Variants in KIAA1958 observed in about 807,000 individuals in gnomAD.
KIAA1958 encodes KIAA1958, also known as uncharacterized protein KIAA1958.
Under a neutral mutation model 47.2 loss-of-function variants are expected in KIAA1958, and 14 were observed. That is an observed-to-expected ratio of 0.30 (90% CI 0.20 to 0.46). The LOEUF is 0.46. Among genes scored for constraint, KIAA1958 ranks in the 20% least tolerant of loss-of-function variants. KIAA1958 has a pLI of 1.00. For synonymous variants in KIAA1958, 354 were observed against 353.3 expected (o/e 1.00, Z -0.02); for missense variants, 803 against 909.2 (o/e 0.88, Z 1.50).
chr9:112,558,179 C>G (rs569168791), intron 1 of KIAA1958, among the ~76,000 whole-genome samples: 36 of 151,696 alleles, frequency 2.4e-4, no homozygotes, highest in African/African-American at 8.7e-4. Context: ...GAACCGAGAT[C>G]GCGCCACTGC....
At chr9:112,516,472 G>A (rs1158876854) in intron 1 of KIAA1958, among the ~76,000 whole-genome samples, 1 of 152,102 alleles carries the variant, frequency 6.6e-6, no homozygotes. Context: ...TAAATAAGTC[G>A]AGATATACTG....
chr9:112,497,088 T>G (rs1054414191), intron 1 of KIAA1958, among the ~76,000 whole-genome samples: 9 of 152,230 alleles, frequency 5.9e-5, no homozygotes, highest in Admixed American at 5.9e-4. Context: ...TTGTAAGATA[T>G]AATACAGAGA....
At chr9:112,643,091 G>T (rs1235321916) in intron 2 of KIAA1958, among the ~76,000 whole-genome samples, 4 of 152,188 alleles carry the variant, frequency 2.6e-5, no homozygotes, top group South Asian at 2.1e-4. Flanking sequence ...CTTATTGAAG[G>T]TTCATCTGAG....
rs1477447513 is a variant in KIAA1958, at chr9:112,487,069, C to A, written c.-74C>A. 7 of 221,950 alleles carry A rather than the reference C, an allele frequency of 3.2e-5. No homozygotes were observed. The Admixed American group carries it at 3.9e-4, about 12-fold the overall frequency. The allele number at this position is 221,950 out of a possible 1,614,324, so 13.7% of individuals were successfully genotyped here. A position where few individuals can be genotyped will look rare whatever the true frequency, so the allele number is the denominator to read the frequency against. ...GCCCGGGCTGCCCGGCTCTCGCAGG[C>A]CCCCCCGCGCCGACCGCGTTCCTAT... is the stretch of plus-strand genomic sequence containing the variant. On this transcript the variant is annotated 5_prime_UTR_variant, in exon 1 of 4. Transcript: ENST00000337530.
chr9:112,498,365 A>C (rs1042865213), intron 1 of KIAA1958, among the ~76,000 whole-genome samples: 3 of 152,158 alleles, frequency 2.0e-5, no homozygotes, highest in Non-Finnish European at 4.4e-5. Context: ...GATATGGAGA[A>C]ATTTTCAAGA....
intron 2 of KIAA1958, among the ~76,000 whole-genome samples, chr9:112,577,903 AT>A (rs1275338437): frequency 9.9e-5 from 15 of 152,168 alleles, no homozygotes; most frequent in Non-Finnish European, 1.9e-4. Flanking sequence ...AGAGCACAGA[AT>A]ATATACTGTC....
intron 1 of KIAA1958, 60 bp from the exon 2 acceptor site, chr9:112,573,997 A>C: frequency 1.1e-6 from 1 of 877,896 alleles, no homozygotes; most frequent in Non-Finnish European, 1.8e-6. Flanking sequence ...AACTGAAGTA[A>C]TTGAGCTATA....
At chr9:112,600,859 C>G (rs570687909) in intron 2 of KIAA1958, among the ~76,000 whole-genome samples, 1 of 152,280 alleles carries the variant, frequency 6.6e-6, no homozygotes, top group East Asian at 1.9e-4. Flanking sequence ...ACTTATATGT[C>G]CAACACTGAG....
intron 1 of KIAA1958, among the ~76,000 whole-genome samples, chr9:112,500,031 AG>A (rs1834108174): frequency 1.3e-5 from 2 of 152,060 alleles, no homozygotes; most frequent in South Asian, 4.1e-4. Flanking sequence ...TACTGGGTTA[AG>A]GTATAAAATC....
intron 1 of KIAA1958, among the ~76,000 whole-genome samples, chr9:112,490,888 C>G (rs1365602950): frequency 2.0e-5 from 3 of 152,170 alleles, no homozygotes; most frequent in Non-Finnish European, 2.9e-5. Context: ...GAATCTTGGT[C>G]TAGGACAACA....
chr9:112,491,407 G>GTAGC (rs1197217689), intron 1 of KIAA1958, among the ~76,000 whole-genome samples: 1 of 152,210 alleles, frequency 6.6e-6, no homozygotes, highest in Non-Finnish European at 1.5e-5. Flanking sequence ...GCACCAGGGA[G>GTAGC]TAGCTCCCCC....
rs1419183824 is a variant in KIAA1958, at chr9:112,663,770, C to T, written c.*3701C>T. The T allele has an allele frequency of 3.3e-5, 5 of 152,218 alleles. No individual in the cohort carries two copies. Among genetic ancestry groups the T allele is most frequent in the Admixed American group, 2.0e-4 (3 of 15,282 alleles). 9.4% of individuals were successfully genotyped at this position (152,218 alleles called of 1,614,324 possible). On this transcript the variant is annotated 3_prime_UTR_variant, in exon 4 of 4. Transcript: ENST00000337530. ...CCAGCTTTCCTTGGATTTTATGCTA[C>T]ATTAATTTGCCCTGGCTGATAAATG...
chr9:112,504,996 C>A (rs1033266914), intron 1 of KIAA1958, among the ~76,000 whole-genome samples: 1 of 152,198 alleles, frequency 6.6e-6, no homozygotes, highest in African/African-American at 2.4e-5. Context: ...TTCTATCTTA[C>A]TCTATGTGTA....
intron 2 of KIAA1958, among the ~76,000 whole-genome samples, chr9:112,638,216 TAAA>T (rs769135829): frequency 8.6e-5 from 13 of 151,938 alleles, no homozygotes; most frequent in Admixed American, 3.3e-4. Context: ...AAAAGAAAAA[TAAA>T]GAAGGCTGGG....
At chr9:112,548,077 C>T (rs548021439) in intron 1 of KIAA1958, among the ~76,000 whole-genome samples, 2 of 149,646 alleles carry the variant, frequency 1.3e-5, no homozygotes, top group African/African-American at 4.9e-5. Flanking sequence ...CATCTTGGCT[C>T]ACTGCAGCCT....
intron 2 of KIAA1958, among the ~76,000 whole-genome samples, chr9:112,604,251 A>G (rs936715120): frequency 6.6e-6 from 1 of 152,202 alleles, no homozygotes; most frequent in African/African-American, 2.4e-5. Context: ...TATGTAAATA[A>G]GTACAGAAAA....
At chr9:112,642,084 A>G (rs1483603866) in intron 2 of KIAA1958, among the ~76,000 whole-genome samples, 1 of 152,142 alleles carries the variant, frequency 6.6e-6, no homozygotes, top group Non-Finnish European at 1.5e-5. Flanking sequence ...ACATTTTAAA[A>G]TTCAGGTCTA....
intron 2 of KIAA1958, among the ~76,000 whole-genome samples, chr9:112,595,968 A>G (rs1015488061): frequency 2.6e-5 from 4 of 151,944 alleles, no homozygotes; most frequent in African/African-American, 9.7e-5. Flanking sequence ...CATTTTTAGT[A>G]AAGACGGGGT....
intron 2 of KIAA1958, among the ~76,000 whole-genome samples, chr9:112,628,883 T>C (rs1836664127): frequency 6.6e-6 from 1 of 152,234 alleles, no homozygotes; most frequent in Admixed American, 6.5e-5. Flanking sequence ...AATGCCATGG[T>C]CAGTAATAGT....
Sources: gnomAD v4.1 joint callset for allele counts (sites outside exome capture counted in the v4.1 genomes callset) on GRCh38, gnomAD v4.1.1 for gene constraint, MANE v1.5 for transcripts, NCBI Gene and HGNC (gene_info 2026-07-23, HGNC 2026-07-21) for gene names.